The following PRKCQ variants were observed in gnomAD, a reference collection of about 807,000 sequenced individuals.
PRKCQ encodes the protein protein kinase C theta type.
PRKCQ carries 41 observed loss-of-function variants against 91.2 expected under a neutral mutation model. The ratio of observed to expected loss-of-function variants is 0.45; its 90% CI spans 0.35 to 0.58. The LOEUF (loss-of-function observed/expected upper bound fraction) is 0.58. Among genes scored for constraint, PRKCQ ranks in the 20% least tolerant of loss-of-function variants. PRKCQ has a pLI of 0.00. For missense variants in PRKCQ, 673 were observed against 896.5 expected (o/e 0.75, Z 3.18); for synonymous variants, 307 against 316.9 (o/e 0.97, Z 0.33).
chr10:6,558,604 TC>T (rs1462209222), intron 1 of PRKCQ, among the ~76,000 whole-genome samples: 1 of 152,194 alleles, frequency 6.6e-6, no homozygotes, highest in Non-Finnish European at 1.5e-5. Flanking sequence ...GTGACTTCGG[TC>T]CAGGAAACTC....
chr10:6,447,406 C>CAAAA (rs151312430), intron 15 of PRKCQ, among the ~76,000 whole-genome samples: 29 of 119,576 alleles, frequency 2.4e-4, no homozygotes, highest in African/African-American at 5.8e-4. Context: ...GACTCCACCT[C>CAAAA]AAAAAAAAAA....
chr10:6,503,663 C>T (rs1017907135), intron 4 of PRKCQ, among the ~76,000 whole-genome samples: 8 of 144,166 alleles, frequency 5.5e-5, no homozygotes, highest in African/African-American at 1.9e-4. Flanking sequence ...TCATTTTCCT[C>T]CTCTTTCCAT....
intron 1 of PRKCQ, among the ~76,000 whole-genome samples, chr10:6,555,143 G>T (rs962494998): frequency 6.6e-6 from 1 of 151,560 alleles, no homozygotes; most frequent in African/African-American, 2.4e-5. Context: ...GGAGGGGGGG[G>T]GTCTAGGGTT....
chr10:6,523,273 G>C (rs1481184779), intron 1 of PRKCQ, among the ~76,000 whole-genome samples: 1 of 151,974 alleles, frequency 6.6e-6, no homozygotes, highest in Non-Finnish European at 1.5e-5. Context: ...AACAATGCAA[G>C]ACCCTGTCTC....
intron 15 of PRKCQ, among the ~76,000 whole-genome samples, chr10:6,445,967 G>A (rs1834265912): frequency 6.6e-6 from 1 of 152,214 alleles, no homozygotes. Flanking sequence ...TGGAAGGACA[G>A]GAGACAGCTG....
At chr10:6,519,436 C>T (rs1838908254) in intron 1 of PRKCQ, among the ~76,000 whole-genome samples, 2 of 152,182 alleles carry the variant, frequency 1.3e-5, no homozygotes, top group Admixed American at 1.3e-4. Flanking sequence ...TGGCTGGCAT[C>T]ACAACCTCCT....
chr10:6,395,056 C>CTTTTTTTTTTT, the PRKCQ span, among the ~76,000 whole-genome samples: 1 of 66,994 alleles, frequency 1.5e-5, no homozygotes, highest in Non-Finnish European at 2.6e-5. Flanking sequence ...AAGCTGGAGT[C>CTTTTTTTTTTT]TTTTTTTTTT....
At chr10:6,558,060 A>T (rs957487515) in intron 1 of PRKCQ, among the ~76,000 whole-genome samples, 5 of 151,352 alleles carry the variant, frequency 3.3e-5, no homozygotes, top group African/African-American at 9.7e-5. Context: ...TGCCTTTTCC[A>T]CCCCTACACG....
chr10:6,436,268 G>A (rs907093825), intron 16 of PRKCQ, among the ~76,000 whole-genome samples: 1 of 152,074 alleles, frequency 6.6e-6, no homozygotes, highest in Non-Finnish European at 1.5e-5. Context: ...CTTTTTATTT[G>A]GGTGTTTGCA....
At chr10:6,484,592 C>T (rs1237992300) in intron 10 of PRKCQ, among the ~76,000 whole-genome samples, 2 of 152,098 alleles carry the variant, frequency 1.3e-5, no homozygotes, top group Non-Finnish European at 2.9e-5. Context: ...CTACAATAGT[C>T]TCTATATTTT....
At chr10:6,549,689 G>A (rs1284751525) in intron 1 of PRKCQ, among the ~76,000 whole-genome samples, 1 of 143,044 alleles carries the variant, frequency 7.0e-6, no homozygotes, top group Non-Finnish European at 1.5e-5. Context: ...GGAGTGCAAT[G>A]GCATGATCTT....
chr10:6,536,158 T>G (rs576180596), intron 1 of PRKCQ, among the ~76,000 whole-genome samples: 1 of 152,072 alleles, frequency 6.6e-6, no homozygotes, highest in Admixed American at 6.6e-5. Context: ...GTGAGGGCAT[T>G]TGAAGGTCCG....
At chr10:6,575,875 A>C (rs971469378) in intron 1 of PRKCQ, among the ~76,000 whole-genome samples, 1 of 152,158 alleles carries the variant, frequency 6.6e-6, no homozygotes, top group African/African-American at 2.4e-5. Context: ...CCCCATCTCT[A>C]CTAAAAATAC....
chr10:6,499,399 G>A (rs1837785385), intron 4 of PRKCQ, among the ~76,000 whole-genome samples: 1 of 152,160 alleles, frequency 6.6e-6, no homozygotes, highest in South Asian at 2.1e-4. Context: ...GTCAAATTAT[G>A]AGAATGCTCA....
intron 1 of PRKCQ, 68 bp from the exon 2 acceptor site, chr10:6,515,212 C>T: frequency 6.2e-7 from 1 of 1,602,014 alleles, no homozygotes. Context: ...TGCCCCATGT[C>T]TACTTAACCA....
chr10:6,463,369 G>A (rs1588698170), intron 13 of PRKCQ, among the ~76,000 whole-genome samples: 1 of 152,196 alleles, frequency 6.6e-6, no homozygotes, highest in African/African-American at 2.4e-5. Context: ...AGGACAGGAT[G>A]GATAGCGTGG....
intron 15 of PRKCQ, among the ~76,000 whole-genome samples, chr10:6,449,725 A>T (rs1365898955): frequency 6.6e-6 from 1 of 152,224 alleles, no homozygotes; most frequent in Non-Finnish European, 1.5e-5. Context: ...TCAGACTAAC[A>T]GCTGATCTCT....
At chr10:6,439,535 C>T (rs1833865702) in intron 16 of PRKCQ, among the ~76,000 whole-genome samples, 1 of 152,154 alleles carries the variant, frequency 6.6e-6, no homozygotes, top group Non-Finnish European at 1.5e-5. Flanking sequence ...TCCACCTCCT[C>T]CACCTCTTTT....
intron 1 of PRKCQ, among the ~76,000 whole-genome samples, chr10:6,532,274 T>C (rs1031623191): frequency 1.3e-5 from 2 of 152,224 alleles, no homozygotes; most frequent in African/African-American, 2.4e-5. Context: ...ATTCATCATA[T>C]GCATATAATA....
Sources: allele counts gnomAD v4.1 joint callset (sites outside exome capture counted in the v4.1 genomes callset), GRCh38; gene constraint gnomAD v4.1.1; transcripts MANE v1.5; gene names NCBI Gene and HGNC (gene_info 2026-07-23, HGNC 2026-07-21).